ACOXL: variants seen among roughly 807,000 people sequenced by gnomAD.
The protein encoded by ACOXL is acyl-coenzyme A oxidase-like protein.
In ACOXL, 70 loss-of-function variants were observed where a neutral mutation model predicts 71.9. The observed-to-expected ratio is 0.97, with a 90% CI of 0.80 to 1.19. The LOEUF (loss-of-function observed/expected upper bound fraction) is 1.19. Among genes scored for constraint, ACOXL ranks in the 50% most tolerant of loss-of-function variants. The pLI is 0.00. For missense variants in ACOXL, 703 were observed against 736.3 expected (o/e 0.95, Z 0.52); for synonymous variants, 253 against 281.6 (o/e 0.90, Z 1.02).
chr2:110,746,611 C>T (rs1054070920), intron 1 of ACOXL, among the ~76,000 whole-genome samples: 2 of 152,058 alleles, frequency 1.3e-5, no homozygotes, highest in Non-Finnish European at 2.9e-5. Flanking sequence ...TTGTTGAAGA[C>T]GATGAGTTTG....
chr2:110,979,106 G>A (rs2062590532), intron 12 of ACOXL, among the ~76,000 whole-genome samples: 1 of 149,562 alleles, frequency 6.7e-6, no homozygotes, highest in African/African-American at 2.4e-5. Context: ...ACAACAGCCG[G>A]CCCTGCGCTA....
intron 16 of ACOXL, among the ~76,000 whole-genome samples, chr2:111,056,877 A>T (rs1450996725): frequency 2.0e-5 from 3 of 152,058 alleles, no homozygotes; most frequent in African/African-American, 4.8e-5. Flanking sequence ...TTCTGGACGC[A>T]GCTGGCATGG....
chr2:110,876,909 A>G (rs879275789), intron 10 of ACOXL, among the ~76,000 whole-genome samples: 2 of 152,204 alleles, frequency 1.3e-5, no homozygotes, highest in Non-Finnish European at 2.9e-5. Flanking sequence ...GAGGAAAAAG[A>G]TAAATCAATA....
chr2:110,915,433 T>A (rs1306142943), intron 11 of ACOXL, among the ~76,000 whole-genome samples: 1 of 142,970 alleles, frequency 7.0e-6, no homozygotes, highest in African/African-American at 2.6e-5. Flanking sequence ...TATATATTTT[T>A]TTTTTTTTGA....
At chr2:110,958,700 T>A (rs777593351) in intron 12 of ACOXL, among the ~76,000 whole-genome samples, 34 of 151,570 alleles carry the variant, frequency 2.2e-4, no homozygotes, top group Non-Finnish European at 4.6e-4. Flanking sequence ...GTGGCAGGAG[T>A]GGGAGTGGAG....
intron 16 of ACOXL, among the ~76,000 whole-genome samples, chr2:111,082,133 C>T (rs994611353): frequency 1.3e-5 from 2 of 152,098 alleles, no homozygotes; most frequent in African/African-American, 4.8e-5. Flanking sequence ...GACTAAAACA[C>T]CAAAAGCAAT....
At chr2:111,003,403 T>G (rs1368495421) in intron 14 of ACOXL, among the ~76,000 whole-genome samples, 1 of 151,250 alleles carries the variant, frequency 6.6e-6, no homozygotes. Context: ...AAAAAAAAAT[T>G]AGCTGAACCT....
intron 12 of ACOXL, among the ~76,000 whole-genome samples, chr2:110,986,849 T>G (rs1348271704): frequency 6.6e-6 from 1 of 152,054 alleles, no homozygotes; most frequent in Non-Finnish European, 1.5e-5. Flanking sequence ...GGACCAGTGT[T>G]AGAGACTGAT....
rs958510293 is a variant in ACOXL at position 110,732,622 on chromosome 2, A to C, written c.-175A>C. 6.5e-6 allele frequency: 1 copy of C among 153,016 alleles called. No individual in the cohort carries two copies. The highest frequency in any genetic ancestry group is 1.5e-5 in the Non-Finnish European group (1 of 68,508). The allele number at this position is 153,016 out of a possible 1,614,324, so 9.5% of individuals were successfully genotyped here. ...CGGAGCGAAGCCGGCCCTGCCAGCCACGCGGAGAAGCAGAGGCAGGTGAGC... is the reference window on the plus strand; with the variant it reads ...CGGAGCGAAGCCGGCCCTGCCAGCCCCGCGGAGAAGCAGAGGCAGGTGAGC... On this transcript the variant is annotated 5_prime_UTR_variant, in exon 1 of 18. Coordinates refer to ENST00000439055, the MANE Select transcript of ACOXL (RefSeq NM_001142807.4).
At chr2:111,084,696 A>G (rs1037934663) in intron 16 of ACOXL, among the ~76,000 whole-genome samples, 1 of 152,176 alleles carries the variant, frequency 6.6e-6, no homozygotes, top group African/African-American at 2.4e-5. Context: ...CAACACAATG[A>G]CAGGATCAAA....
At chr2:111,042,491 A>G (rs1211724929) in intron 15 of ACOXL, among the ~76,000 whole-genome samples, 2 of 152,208 alleles carry the variant, frequency 1.3e-5, no homozygotes, top group Non-Finnish European at 2.9e-5. Flanking sequence ...GAAGGTGGGG[A>G]CGTGGCTCTG....
At chr2:110,915,060 GT>G (rs2059788523) in intron 11 of ACOXL, among the ~76,000 whole-genome samples, 1 of 151,042 alleles carries the variant, frequency 6.6e-6, no homozygotes, top group African/African-American at 2.5e-5. Flanking sequence ...ACTGACTATA[GT>G]CACCCTGTTT....
At chr2:110,784,058 A>C (rs1159068721) in intron 2 of ACOXL, among the ~76,000 whole-genome samples, 7 of 152,182 alleles carry the variant, frequency 4.6e-5, no homozygotes, top group African/African-American at 1.7e-4. Context: ...CTATAGTTAC[A>C]AAGTAAACAT....
At chr2:110,960,524 A>G (rs2061663042) in intron 12 of ACOXL, among the ~76,000 whole-genome samples, 2 of 151,498 alleles carry the variant, frequency 1.3e-5, no homozygotes, top group Admixed American at 6.6e-5. Flanking sequence ...CGAGTCTTTC[A>G]TTTCCTCCCC....
chr2:110,799,940 C>T (rs1284789540), intron 7 of ACOXL, among the ~76,000 whole-genome samples: 1 of 151,994 alleles, frequency 6.6e-6, no homozygotes, highest in Non-Finnish European at 1.5e-5. Flanking sequence ...AATGCACTAA[C>T]CAGCGCCCTC....
intron 2 of ACOXL, among the ~76,000 whole-genome samples, chr2:110,783,723 G>A (rs1320239911): frequency 1.3e-5 from 2 of 152,134 alleles, no homozygotes; most frequent in African/African-American, 4.8e-5. Context: ...GCACACACAT[G>A]TACATACACA....
intron 12 of ACOXL, among the ~76,000 whole-genome samples, chr2:110,969,506 A>G (rs1416233611): frequency 6.6e-6 from 1 of 152,154 alleles, no homozygotes; most frequent in Non-Finnish European, 1.5e-5. Flanking sequence ...AGAGATCATG[A>G]AGTCATTAAA....
intron 16 of ACOXL, among the ~76,000 whole-genome samples, chr2:111,052,666 C>T (rs900123622): frequency 6.6e-6 from 1 of 152,134 alleles, no homozygotes; most frequent in African/African-American, 2.4e-5. Flanking sequence ...ATCTCCATAC[C>T]TACCTGTTTC....
At chr2:110,802,208 T>C (rs1427314139) in intron 8 of ACOXL, among the ~76,000 whole-genome samples, 1 of 152,166 alleles carries the variant, frequency 6.6e-6, no homozygotes, top group African/African-American at 2.4e-5. Context: ...CATTTAGTTT[T>C]TTTTCCTTCC....
Sources: allele counts gnomAD v4.1 joint callset (sites outside exome capture counted in the v4.1 genomes callset), GRCh38; gene constraint gnomAD v4.1.1; transcripts MANE v1.5; gene names NCBI Gene and HGNC (gene_info 2026-07-23, HGNC 2026-07-21).